The following LUC7L2 variants were observed in gnomAD, a reference collection of about 807,000 sequenced individuals.
The protein encoded by LUC7L2 is LUC7 like 2, pre-mRNA splicing factor.
LUC7L2 carries 25 observed loss-of-function variants against 52.8 expected under a neutral mutation model. That is an observed-to-expected ratio of 0.47 (90% CI 0.34 to 0.66). LUC7L2 has a LOEUF of 0.66. LUC7L2 is among the 30% of genes least tolerant of loss of function. LUC7L2 has a pLI of 0.01. For synonymous variants in LUC7L2, 144 were observed against 160.9 expected (o/e 0.89, Z 0.80); for missense variants, 328 against 497.8 (o/e 0.66, Z 3.25).
At chr7:139,393,317 A>C (rs1313106000) in intron 2 of LUC7L2, among the ~76,000 whole-genome samples, 5 of 151,884 alleles carry the variant, frequency 3.3e-5, no homozygotes, top group Non-Finnish European at 7.4e-5. Context: ...CCAGCTACTC[A>C]GGTGTCAGGT....
At chr7:139,390,809 G>T (rs2131257632) in intron 2 of LUC7L2, among the ~76,000 whole-genome samples, 1 of 152,242 alleles carries the variant, frequency 6.6e-6, no homozygotes, top group South Asian at 2.1e-4. Context: ...GCCCGTCTCG[G>T]CCTCCCAAAC....
At chr7:139,360,458 C>T in intron 1 of LUC7L2, 136 bp downstream of exon 1, 1 of 723,860 alleles carries the variant, frequency 1.4e-6, no homozygotes. Context: ...GTCCCCGTCC[C>T]CCGTCCCATC....
intron 2 of LUC7L2, among the ~76,000 whole-genome samples, chr7:139,382,118 C>T (rs1035578774): frequency 6.6e-5 from 10 of 151,802 alleles, no homozygotes; most frequent in Non-Finnish European, 1.5e-4. Context: ...TCTCAATCTC[C>T]TGACCTTGTG....
chr7:139,359,250 A>G (rs994668158), upstream of LUC7L2: 2 of 152,266 alleles, frequency 1.3e-5, no homozygotes, highest in African/African-American at 4.8e-5. Flanking sequence ...ATGGTTTCAC[A>G]TTCAGACTAA....
chr7:139,376,271 T>C, intron 2 of LUC7L2, 115 bp downstream of exon 2: 2 of 1,049,122 alleles, frequency 1.9e-6, no homozygotes, highest in Admixed American at 2.3e-5. Flanking sequence ...ATTTGCATCC[T>C]TTATTGTTTG....
At chr7:139,401,813 GCAT>G (rs1255018202) in intron 3 of LUC7L2, among the ~76,000 whole-genome samples, 1 of 150,264 alleles carries the variant, frequency 6.7e-6, no homozygotes, top group East Asian at 1.9e-4. Flanking sequence ...GAGTGCAGTG[GCAT>G]CATCAGGGCT....
intron 2 of LUC7L2, among the ~76,000 whole-genome samples, chr7:139,397,155 T>A (rs749066513): frequency 6.6e-6 from 1 of 152,250 alleles, no homozygotes; most frequent in East Asian, 1.9e-4. Flanking sequence ...AACTTCCCTG[T>A]GATTAATAGT....
At chr7:139,399,413 C>T (rs1585116469) in intron 3 of LUC7L2, among the ~76,000 whole-genome samples, 1 of 143,596 alleles carries the variant, frequency 7.0e-6, no homozygotes. Context: ...CAATCTCCCA[C>T]AGATACTGAG....
chr7:139,396,940 G>A (rs1794687754), intron 2 of LUC7L2, among the ~76,000 whole-genome samples: 1 of 151,914 alleles, frequency 6.6e-6, no homozygotes, highest in South Asian at 2.1e-4. Context: ...ATTTTATCTG[G>A]TCTATTAATA....
intron 1 of LUC7L2, among the ~76,000 whole-genome samples, chr7:139,364,432 A>G (rs1005005599): frequency 1.3e-5 from 2 of 152,216 alleles, no homozygotes; most frequent in African/African-American, 4.8e-5. Context: ...TTATAGCATC[A>G]TTAATTGTCC....
chr7:139,421,229 T>C (rs1795891759), intron 9 of LUC7L2, among the ~76,000 whole-genome samples: 1 of 152,258 alleles, frequency 6.6e-6, no homozygotes, highest in African/African-American at 2.4e-5. Flanking sequence ...TTTTTTATTT[T>C]CCTGAAAGTA....
chr7:139,372,908 C>T (rs1569372195), intron 1 of LUC7L2, among the ~76,000 whole-genome samples: 1 of 152,164 alleles, frequency 6.6e-6, no homozygotes, highest in Non-Finnish European at 1.5e-5. Flanking sequence ...GATGTTGTCA[C>T]TAATAGGTTT....
intron 1 of LUC7L2, among the ~76,000 whole-genome samples, chr7:139,342,595 A>G (rs1438305594): frequency 6.6e-6 from 1 of 152,112 alleles, no homozygotes; most frequent in Non-Finnish European, 1.5e-5. Context: ...CCCGAGTAGT[A>G]CAGGCAGGCG....
chr7:139,372,928 A>G (rs893112180), intron 1 of LUC7L2, among the ~76,000 whole-genome samples: 2 of 152,108 alleles, frequency 1.3e-5, no homozygotes, highest in African/African-American at 4.8e-5. Context: ...TGATTCTGTG[A>G]TTTGGATCCA....
At chr7:139,369,601 A>G (rs1800340502) in intron 1 of LUC7L2, among the ~76,000 whole-genome samples, 1 of 152,336 alleles carries the variant, frequency 6.6e-6, no homozygotes, top group East Asian at 1.9e-4. Context: ...AAAAGATCCT[A>G]CAAGGTTTTT....
upstream of LUC7L2, among the ~76,000 whole-genome samples, chr7:139,357,079 A>G (rs2131166381): frequency 6.6e-6 from 1 of 152,316 alleles, no homozygotes; most frequent in East Asian, 1.9e-4. Flanking sequence ...AAAGGTATTG[A>G]TTAAATTAGA....
rs556854724 is a variant in LUC7L2 at position 139,386,499 on chromosome 7, G to A, written c.156+10343G>A. ...GGCTTACTGCAAGCTCCGCCTCCCGGGTTCACACCATTCTCCTGGCTCAGC... is the reference window on the plus strand; with the variant it reads ...GGCTTACTGCAAGCTCCGCCTCCCGAGTTCACACCATTCTCCTGGCTCAGC... On this transcript the variant is annotated intron_variant, in intron 2 of 9. Transcript: ENST00000354926. Among the ~76,000 whole-genome samples the A allele has an allele frequency of 1.2e-4, 17 of 147,700 alleles. No individual in the cohort carries two copies. In the South Asian group the frequency reaches 3.6e-3, roughly 31 times the overall value.
chr7:139,385,070 G>A (rs1004693819), intron 2 of LUC7L2, among the ~76,000 whole-genome samples: 1 of 152,140 alleles, frequency 6.6e-6, no homozygotes, highest in Admixed American at 6.6e-5. Flanking sequence ...TTTGTTTCTA[G>A]TTGAGGGTTG....
intron 1 of LUC7L2, chr7:139,341,158 C>A: frequency 1.6e-6 from 1 of 631,512 alleles, no homozygotes; most frequent in East Asian, 3.3e-5. Context: ...GTTAGAGGTC[C>A]TGGTACCTTC....
Sources: gnomAD v4.1 joint callset for allele counts (sites outside exome capture counted in the v4.1 genomes callset) on GRCh38, gnomAD v4.1.1 for gene constraint, MANE v1.5 for transcripts, NCBI Gene and HGNC (gene_info 2026-07-23, HGNC 2026-07-21) for gene names.